TRABD2B: variants seen among roughly 807,000 people sequenced by gnomAD.
The protein encoded by TRABD2B is TraB domain containing 2B.
In TRABD2B, 14 loss-of-function variants were observed where a neutral mutation model predicts 40.1. The ratio of observed to expected loss-of-function variants is 0.35; its 90% CI spans 0.23 to 0.55. The LOEUF (loss-of-function observed/expected upper bound fraction) is 0.55, where lower values mean the gene tolerates loss of function less well. Among genes scored for constraint, TRABD2B ranks in the 20% least tolerant of loss-of-function variants. TRABD2B has a pLI of 0.90. For missense variants in TRABD2B, 541 were observed against 648.6 expected, an observed-to-expected ratio of 0.83 and a Z score of 1.80; for synonymous variants, 263 against 277.0, an observed-to-expected ratio of 0.95 and a Z score of 0.50.
chr1:47,821,897 CA>C (rs1371447177), intron 2 of TRABD2B, among the ~76,000 whole-genome samples: 1 of 152,082 alleles, frequency 6.6e-6, no homozygotes, highest in Non-Finnish European at 1.5e-5. Flanking sequence ...AATTATTCTA[CA>C]GGGGGTGGAA....
chr1:47,824,793 A>T (rs1478590399), intron 2 of TRABD2B, among the ~76,000 whole-genome samples: 1 of 152,082 alleles, frequency 6.6e-6, no homozygotes, highest in Non-Finnish European at 1.5e-5. Context: ...CTGCCTGTGG[A>T]GCTGCTAATC....
chr1:47,838,983 C>T (rs1165514957), intron 2 of TRABD2B, among the ~76,000 whole-genome samples: 2 of 152,202 alleles, frequency 1.3e-5, no homozygotes, highest in African/African-American at 4.8e-5. Flanking sequence ...TACTCTGATA[C>T]CCTCATGTGG....
At chr1:47,923,915 T>TACACACACACAC (rs60288001) in intron 2 of TRABD2B, among the ~76,000 whole-genome samples, 1 of 132,514 alleles carries the variant, frequency 7.5e-6, no homozygotes, top group African/African-American at 2.8e-5. Flanking sequence ...CATACACACA[T>TACACACACACAC]ACACACACAC....
intron 2 of TRABD2B, among the ~76,000 whole-genome samples, chr1:47,839,927 C>T (rs907452851): frequency 3.9e-5 from 6 of 152,166 alleles, no homozygotes; most frequent in Admixed American, 2.6e-4. Context: ...CCCCCTCCAT[C>T]GATGGCCAAG....
Position 47,996,553 on chromosome 1 carries a change from G to T in TRABD2B, c.102+135C>A. Reference sequence around the variant, plus strand: ...GGACAGGCAGGAGCGAAGGAAGGGCGCCCGAGGCTGCGCCCGGGGGGTGGA... The same window carrying T: ...GGACAGGCAGGAGCGAAGGAAGGGCTCCCGAGGCTGCGCCCGGGGGGTGGA... On this transcript the variant is annotated intron_variant, in intron 1 of 6. Transcript: ENST00000606738. This position sits in a 1 kb window ranked among gnomAD's most constrained non-coding sequence, Gnocchi z 4.6. 1 of 1,041,966 alleles carries T rather than the reference G, an allele frequency of 9.6e-7. No individual in the cohort carries two copies. The highest frequency in any genetic ancestry group is 1.2e-6 in the Non-Finnish European group (1 of 829,616). 64.5% of individuals were successfully genotyped at this position (1,041,966 alleles called of 1,614,324 possible). A position where few individuals can be genotyped will look rare whatever the true frequency, so the allele number is the denominator to read the frequency against.
chr1:47,808,410 T>C (rs1644920612), intron 2 of TRABD2B, among the ~76,000 whole-genome samples: 1 of 152,120 alleles, frequency 6.6e-6, no homozygotes, highest in Non-Finnish European at 1.5e-5. Context: ...ACAGAATATG[T>C]TATAGAAAAA....
chr1:47,947,747 G>A (rs1417281397), intron 2 of TRABD2B, among the ~76,000 whole-genome samples: 2 of 152,208 alleles, frequency 1.3e-5, no homozygotes, highest in African/African-American at 2.4e-5. Context: ...GAGCTGACAT[G>A]CACTAACACA....
intron 2 of TRABD2B, among the ~76,000 whole-genome samples, chr1:47,860,334 C>A (rs1643948350): frequency 6.6e-6 from 1 of 152,166 alleles, no homozygotes; most frequent in Non-Finnish European, 1.5e-5. Context: ...ACAAGCTCAC[C>A]CTGATGGTGT....
intron 6 of TRABD2B, among the ~76,000 whole-genome samples, chr1:47,768,248 T>C (rs1423074897): frequency 6.6e-6 from 1 of 152,152 alleles, no homozygotes; most frequent in Non-Finnish European, 1.5e-5. Flanking sequence ...CAAGGAACTA[T>C]CAGGAGGGGA....
chr1:47,926,615 C>G (rs7523244), intron 2 of TRABD2B, among the ~76,000 whole-genome samples: 1 of 152,090 alleles, frequency 6.6e-6, no homozygotes, highest in African/African-American at 2.4e-5. Flanking sequence ...TAAGATCTGG[C>G]GGCAGGCCCT....
At chr1:47,817,711 C>T (rs1409658847) in intron 2 of TRABD2B, among the ~76,000 whole-genome samples, 1 of 152,182 alleles carries the variant, frequency 6.6e-6, no homozygotes, top group Non-Finnish European at 1.5e-5. Context: ...GGGATGAGGG[C>T]CCAGTCCCTT....
chr1:47,881,199 G>A (rs958427383), intron 2 of TRABD2B, among the ~76,000 whole-genome samples: 1 of 152,258 alleles, frequency 6.6e-6, no homozygotes, highest in East Asian at 1.9e-4. Context: ...TGGTGGGCCC[G>A]GGAGTGTGTG....
At chr1:47,911,272 T>C (rs1644759525) in intron 2 of TRABD2B, among the ~76,000 whole-genome samples, 1 of 152,170 alleles carries the variant, frequency 6.6e-6, no homozygotes, top group Non-Finnish European at 1.5e-5. Flanking sequence ...GGTGGTTAAA[T>C]TCATTGTTTC....
At chr1:47,967,088 G>C (rs547095714) in intron 2 of TRABD2B, among the ~76,000 whole-genome samples, 5 of 152,134 alleles carry the variant, frequency 3.3e-5, no homozygotes, top group African/African-American at 1.2e-4. Flanking sequence ...TTAGTGGCCT[G>C]GCCTCTGCTG....
chr1:47,778,357 G>T, intron 5 of TRABD2B, 97 bp downstream of exon 5: 1 of 870,934 alleles, frequency 1.1e-6, no homozygotes, highest in Non-Finnish European at 1.8e-6. Context: ...GTAGAGACCT[G>T]CCTCTGCCTC....
At chr1:47,909,467 G>A (rs1355427766) in intron 2 of TRABD2B, among the ~76,000 whole-genome samples, 1 of 129,778 alleles carries the variant, frequency 7.7e-6, no homozygotes, top group Non-Finnish European at 1.7e-5. Context: ...AGAAGGAGAA[G>A]GGGAAGGAGA....
In TRABD2B at chr1:47,923,538, A is replaced by T. The variant is rs568885811; in HGVS notation, c.666+70496T>A. Among the ~76,000 whole-genome samples, 5 of 152,354 alleles carry T rather than the reference A, an allele frequency of 3.3e-5. No homozygotes were observed. In the South Asian group the frequency reaches 1.0e-3, roughly 32 times the overall value. ...GATTTTTCATCATAACTGGCTCTTT[A>T]GATGTGGATGATGGTTAATTTTATG... On this transcript the variant is annotated intron_variant, in intron 2 of 6. Transcript: ENST00000606738.
At chr1:47,884,860 C>T (rs1302777046) in intron 2 of TRABD2B, among the ~76,000 whole-genome samples, 35 of 152,114 alleles carry the variant, frequency 2.3e-4, no homozygotes, top group Admixed American at 2.3e-3. Flanking sequence ...AGGTGATCCA[C>T]CCACCTCAGC....
chr1:47,863,550 A>T (rs1266054796), intron 2 of TRABD2B, among the ~76,000 whole-genome samples: 1 of 151,920 alleles, frequency 6.6e-6, no homozygotes, highest in African/African-American at 2.4e-5. Flanking sequence ...TAAAATGACA[A>T]TGAGATACCA....
Sources: allele counts gnomAD v4.1 joint callset (sites outside exome capture counted in the v4.1 genomes callset), GRCh38; gene constraint gnomAD v4.1.1; non-coding constraint Gnocchi (gnomAD v3.1); transcripts MANE v1.5; gene names NCBI Gene and HGNC (gene_info 2026-07-23, HGNC 2026-07-21).